The following FOXN2 variants were observed in gnomAD, a reference collection of about 807,000 sequenced individuals.
FOXN2 encodes forkhead box protein N2.
A neutral mutation model predicts 41.2 loss-of-function variants in FOXN2; 19 were observed. The observed-to-expected ratio is 0.46, with a 90% CI of 0.32 to 0.68. FOXN2 has a LOEUF of 0.68. FOXN2 is among the 30% of genes least tolerant of loss of function. The pLI is 0.03. For missense variants in FOXN2, 587 were observed against 509.4 expected (o/e 1.15, Z -1.47); for synonymous variants, 195 against 176.8 (o/e 1.10, Z -0.82).
At chr2:48,332,419 G>C (rs1670073688) in intron 2 of FOXN2, among the ~76,000 whole-genome samples, 1 of 152,158 alleles carries the variant, frequency 6.6e-6, no homozygotes, top group African/African-American at 2.4e-5. Flanking sequence ...AATATCTGCA[G>C]AGTGCATGGG....
intron 5 of FOXN2, among the ~76,000 whole-genome samples, chr2:48,367,973 G>T (rs1163296408): frequency 2.6e-5 from 4 of 152,200 alleles, no homozygotes; most frequent in African/African-American, 9.7e-5. Flanking sequence ...CTCCCAAGTA[G>T]CTGGGATTGC....
chr2:48,348,204 A>C (rs921968426), intron 3 of FOXN2, among the ~76,000 whole-genome samples: 1 of 151,620 alleles, frequency 6.6e-6, no homozygotes. Flanking sequence ...ACCATTTGCT[A>C]TTTGTCTTAC....
chr2:48,347,172 C>A (rs543768476), intron 3 of FOXN2, among the ~76,000 whole-genome samples: 199 of 142,542 alleles, frequency 1.4e-3, no homozygotes, highest in African/African-American at 5.0e-3. Context: ...CTTTTCCTGC[C>A]TTTTGTGGGA....
chr2:48,315,407 G>T (rs1270305622), intron 1 of FOXN2, among the ~76,000 whole-genome samples: 1 of 152,188 alleles, frequency 6.6e-6, no homozygotes, highest in African/African-American at 2.4e-5. Context: ...CCGGGTGTGT[G>T]TGGGAGCGAC....
In FOXN2 at chr2:48,346,308, A is replaced by G; in HGVS notation, c.94A>G (p.Ser32Gly). The part of the protein sequence containing the change: ...AGLSQIYKMG[S>G]LPEAVDAARP... ...ATTAAGCCAGATTTACAAAATGGGA[A>G]GCTTGCCTGAAGCTGTTGATGCTGC... is the stretch of plus-strand genomic sequence containing the variant. The change falls in exon 3 of 7, where the codon AGC (serine) becomes GGC (glycine). Residue 32 changes from serine (S) to glycine (G), a missense_variant. Transcript: ENST00000340553. 1.2e-6 allele frequency: 2 copies of G among 1,614,220 alleles called. No individual in the cohort carries two copies. The highest frequency in any genetic ancestry group is 4.5e-5 in the East Asian group (2 of 44,886).
rs1259110744 is a variant in FOXN2, at chr2:48,375,697, A to G, written c.*254A>G. 2.5e-5 allele frequency: 8 copies of G among 321,776 alleles called. No homozygotes were observed. Among genetic ancestry groups the G allele is most frequent in the Non-Finnish European group, 4.0e-5 (7 of 175,078 alleles). 19.9% of individuals were successfully genotyped at this position (321,776 alleles called of 1,614,324 possible). On this transcript the variant is annotated 3_prime_UTR_variant, in exon 7 of 7. Transcript: ENST00000340553. Reference sequence around the variant, plus strand: ...ATGTGTCCAAGATTTGAAAATTTTTATATAAGAAAATCCCCAGCCTCTGTC... The same window carrying G: ...ATGTGTCCAAGATTTGAAAATTTTTGTATAAGAAAATCCCCAGCCTCTGTC...
rs77008115 is a variant in FOXN2, at chr2:48,334,709, C to T, written c.-15+6007C>T. 0.017 allele frequency among the ~76,000 whole-genome samples: 2,549 copies of T among 152,202 alleles called. 231 individuals carry two copies. The East Asian group carries it at 0.29, about 17-fold the overall frequency. ...CTTCTCTGTTCATGGCTTTGTGGGGCTCAGGGATCAGGAAGCAAAGCCTAG... is the reference window on the plus strand; with the variant it reads ...CTTCTCTGTTCATGGCTTTGTGGGGTTCAGGGATCAGGAAGCAAAGCCTAG... On this transcript the variant is annotated intron_variant, in intron 2 of 6. Coordinates refer to ENST00000340553, the MANE Select transcript of FOXN2 (RefSeq NM_002158.4).
intron 5 of FOXN2, among the ~76,000 whole-genome samples, chr2:48,369,312 T>G (rs1672735499): frequency 6.7e-6 from 1 of 150,306 alleles, no homozygotes; most frequent in East Asian, 2.0e-4. Context: ...CCAAGGCGGG[T>G]GGATCATCTG....
At chr2:48,367,722 ACT>A (rs756103396) in intron 5 of FOXN2, among the ~76,000 whole-genome samples, 14 of 152,204 alleles carry the variant, frequency 9.2e-5, no homozygotes, top group Non-Finnish European at 1.8e-4. Context: ...TTATAACCTT[ACT>A]CTCATATGGC....
intron 5 of FOXN2, among the ~76,000 whole-genome samples, chr2:48,369,264 C>T (rs1019737895): frequency 2.0e-5 from 3 of 152,146 alleles, no homozygotes; most frequent in South Asian, 2.1e-4. Context: ...TTAGGCCAGG[C>T]GGGGGTCTCA....
chr2:48,327,816 G>A (rs79247094), intron 1 of FOXN2, among the ~76,000 whole-genome samples: 11,620 of 152,172 alleles, frequency 0.076, 576 homozygotes, highest in Non-Finnish European at 0.12. Context: ...GTCAGAGTAC[G>A]TATGAGGTTA....
Position 48,375,363 on chromosome 2 carries a change from C to T in FOXN2, c.1216C>T (p.His406Tyr), listed in dbSNP as rs1224034915. Residue 406 changes from histidine to tyrosine, a missense_variant, in exon 7 of 7, where the codon CAC (histidine) becomes TAC (tyrosine). Coordinates refer to ENST00000340553, the MANE Select transcript of FOXN2 (RefSeq NM_002158.4). Reference protein sequence around the residue: ...ELKEAAGSLLHLAGIRTCLGS... With the variant: ...ELKEAAGSLLYLAGIRTCLGS... ...CAAAGAGGCAGCTGGATCTCTGCTC[C>T]ACCTTGCTGGAATTCGTACATGTTT... 1.9e-6 allele frequency: 3 copies of T among 1,613,590 alleles called. No individual in the cohort carries two copies. The highest frequency in any genetic ancestry group is 1.7e-6 in the Non-Finnish European group (2 of 1,179,800).
intron 1 of FOXN2, among the ~76,000 whole-genome samples, chr2:48,321,730 TA>T (rs201349796): frequency 9.3e-5 from 14 of 151,282 alleles, no homozygotes; most frequent in African/African-American, 2.2e-4. Flanking sequence ...CAGCTTTTAT[TA>T]AAAAAAAATC....
At chr2:48,353,246 G>GATCTACCCC (rs1558630531) in intron 3 of FOXN2, among the ~76,000 whole-genome samples, 1 of 151,948 alleles carries the variant, frequency 6.6e-6, no homozygotes, top group Admixed American at 6.6e-5. Flanking sequence ...ACTACTCCAT[G>GATCTACCCC]ATCTACCCCC....
intron 2 of FOXN2, among the ~76,000 whole-genome samples, chr2:48,344,871 A>G (rs897355969): frequency 9.2e-5 from 13 of 142,072 alleles, no homozygotes; most frequent in Admixed American, 7.9e-4. Context: ...CAGTTACACA[A>G]GCATAAGTGG....
chr2:48,350,086 A>G (rs1671357505), intron 3 of FOXN2, among the ~76,000 whole-genome samples: 1 of 152,212 alleles, frequency 6.6e-6, no homozygotes, highest in South Asian at 2.1e-4. Context: ...GATGTACAGA[A>G]TCTGCCAAGA....
intron 1 of FOXN2, among the ~76,000 whole-genome samples, chr2:48,321,541 A>C (rs778033752): frequency 3.5e-4 from 53 of 152,152 alleles, no homozygotes; most frequent in Non-Finnish European, 6.9e-4. Flanking sequence ...ATCTCAAAAA[A>C]AAAATTTTAG....
At chr2:48,347,385 G>A (rs1302286759) in intron 3 of FOXN2, among the ~76,000 whole-genome samples, 3 of 151,596 alleles carry the variant, frequency 2.0e-5, no homozygotes, top group South Asian at 2.1e-4. Context: ...GTGCCACCAC[G>A]CCCTGCTAAT....
At chr2:48,345,338 G>T (rs1671025930) in intron 2 of FOXN2, among the ~76,000 whole-genome samples, 1 of 152,136 alleles carries the variant, frequency 6.6e-6, no homozygotes, top group South Asian at 2.1e-4. Flanking sequence ...GGGTGGTGGG[G>T]GTAGGAGGAG....
Sources: allele counts gnomAD v4.1 joint callset (sites outside exome capture counted in the v4.1 genomes callset), GRCh38; gene constraint gnomAD v4.1.1; transcripts MANE v1.5; gene names NCBI Gene and HGNC (gene_info 2026-07-23, HGNC 2026-07-21).